The following MTMR3 variants were observed in gnomAD, a reference collection of about 807,000 sequenced individuals.
The protein encoded by MTMR3 is myotubularin related protein 3.
A neutral mutation model predicts 132.4 loss-of-function variants in MTMR3; 32 were observed. That is an observed-to-expected ratio of 0.24 (90% CI 0.18 to 0.32). MTMR3 has a LOEUF of 0.32. MTMR3 is among the 10% of genes least tolerant of loss of function. The pLI is 1.00. For missense variants in MTMR3, 1,216 were observed against 1,489.6 expected (o/e 0.82, Z 3.02); for synonymous variants, 556 against 550.3 (o/e 1.01, Z -0.14).
rs758384794 is a variant in MTMR3, at chr22:30,016,610, C to T, written c.1586C>T (p.Thr529Ile). ...GCCAAGGAGAGAGGGGAAAAGCATA[C>T]TCAGGAACGGACATGTTCCGTGTGG... is the stretch of plus-strand genomic sequence containing the variant. ...NNAKERGEKHTQERTCSVWSL... is the reference protein window; with the variant it reads ...NNAKERGEKHIQERTCSVWSL... The change falls in exon 15 of 20, where the codon ACT becomes ATT. Residue 529 changes from threonine to isoleucine, a missense_variant. Coordinates refer to ENST00000401950, the MANE Select transcript of MTMR3 (RefSeq NM_021090.4). The T allele has an allele frequency of 1.2e-6, 2 of 1,614,090 alleles. No individual in the cohort carries two copies. Among genetic ancestry groups the T allele is most frequent in the Non-Finnish European group, 8.5e-7 (1 of 1,180,034 alleles).
At chr22:29,943,523 A>C (rs2065897529) in intron 1 of MTMR3, among the ~76,000 whole-genome samples, 1 of 151,552 alleles carries the variant, frequency 6.6e-6, no homozygotes, top group African/African-American at 2.4e-5. Context: ...TACGTTTGCC[A>C]CTCTTTTAGT....
chr22:30,016,297 C>A, intron 14 of MTMR3: 1 of 470,092 alleles, frequency 2.1e-6, no homozygotes, highest in Non-Finnish European at 3.8e-6. Context: ...CTATTTATCA[C>A]GGAAGCTAAG....
chr22:29,982,349 A>G (rs2066766153), intron 5 of MTMR3: 2 of 152,214 alleles, frequency 1.3e-5, no homozygotes, highest in African/African-American at 2.4e-5. Context: ...TTAGGAAACA[A>G]GGATTCTTCC....
At position 29,946,520 on chromosome 22, in the gene MTMR3, C is replaced by G. The variant is rs550089656; in HGVS notation, c.-137-10516C>G. On this transcript the variant is annotated intron_variant, in intron 1 of 19. Transcript: ENST00000401950. ...AGGCCTGTTCATGAATGGTTTCAGA[C>G]TGTTAATGGATTAGAAAAATGTCTT... 2.6e-5 allele frequency among the ~76,000 whole-genome samples: 4 copies of G among 152,232 alleles called. No individual in the cohort carries two copies. In the East Asian group the frequency reaches 7.7e-4, roughly 29 times the overall value.
chr22:29,931,509 G>C (rs1432105410), intron 1 of MTMR3, among the ~76,000 whole-genome samples: 1 of 152,164 alleles, frequency 6.6e-6, no homozygotes, highest in South Asian at 2.1e-4. Flanking sequence ...CCGCCTCCTG[G>C]GTTCAAGCGA....
At position 29,888,466 on chromosome 22, in the gene MTMR3, C is replaced by T. The variant is rs1014953027; in HGVS notation, c.-138+5107C>T. ...ATAAAATAGTAAGGCATGAAACTAA[C>T]GAAAACAAAAAGAAAATTGTGAAGG... is the stretch of plus-strand genomic sequence containing the variant. On this transcript the variant is annotated intron_variant, in intron 1 of 19. Transcript: ENST00000401950. 3.3e-5 allele frequency among the ~76,000 whole-genome samples: 5 copies of T among 151,974 alleles called. No homozygotes were observed. The South Asian group carries it at 6.2e-4, about 19-fold the overall frequency.
chr22:30,016,699 G>A lies in MTMR3; in HGVS notation c.1674+1G>A, dbSNP rs773146277. ...ACTGTATTCCTCTCAGTCAGAAGCC[G>A]TATGTATCCTTCAGCCTTTCCACTG... On this transcript the variant is annotated splice_donor_variant, in intron 15 of 19. Coordinates refer to ENST00000401950, the MANE Select transcript of MTMR3 (RefSeq NM_021090.4). LOFTEE classifies it high-confidence loss of function. 59 of 1,610,448 alleles carry A rather than the reference G, an allele frequency of 3.7e-5. No individual in the cohort carries two copies. The highest frequency in any genetic ancestry group is 6.7e-5 in the Admixed American group (4 of 59,568).
chr22:29,997,879 T>C (rs1236416300), intron 7 of MTMR3: 1 of 152,340 alleles, frequency 6.6e-6, no homozygotes, highest in African/African-American at 2.4e-5. Context: ...GAAAGAAATA[T>C]TAATATTTGT....
At chr22:29,887,515 T>G (rs73161099) in intron 1 of MTMR3, among the ~76,000 whole-genome samples, 3 of 152,272 alleles carry the variant, frequency 2.0e-5, no homozygotes, top group South Asian at 4.1e-4. Context: ...ATCACTGATA[T>G]GGCAACAGAG....
chr22:29,913,821 G>A (rs1181789362), intron 1 of MTMR3, among the ~76,000 whole-genome samples: 1 of 151,800 alleles, frequency 6.6e-6, no homozygotes, highest in African/African-American at 2.4e-5. Context: ...GCGAGATCTC[G>A]GCTAACTGCA....
intron 16 of MTMR3, 67 bp downstream of exon 16, chr22:30,018,139 C>A: frequency 6.8e-7 from 1 of 1,462,202 alleles, no homozygotes; most frequent in Non-Finnish European, 9.1e-7. Context: ...GGGACGTGTG[C>A]AGGGATGGTC....
chr22:29,902,645 G>A (rs1602434109), intron 1 of MTMR3, among the ~76,000 whole-genome samples: 2 of 152,244 alleles, frequency 1.3e-5, no homozygotes, highest in South Asian at 4.1e-4. Context: ...GGGATTACAG[G>A]CGTGAGTCAC....
chr22:29,887,707 G>T (rs2064706472), intron 1 of MTMR3, among the ~76,000 whole-genome samples: 1 of 152,240 alleles, frequency 6.6e-6, no homozygotes, highest in Non-Finnish European at 1.5e-5. Flanking sequence ...TGTTGGAGCA[G>T]TGGTAGAAGG....
intron 2 of MTMR3, among the ~76,000 whole-genome samples, chr22:29,966,576 T>G (rs914236346): frequency 6.6e-6 from 1 of 152,202 alleles, no homozygotes; most frequent in South Asian, 2.1e-4. Flanking sequence ...TTAGGTAGAA[T>G]TCTTCCCTCA....
At chr22:29,980,610 G>A (rs925653224) in intron 5 of MTMR3, 1 of 152,106 alleles carries the variant, frequency 6.6e-6, no homozygotes, top group Non-Finnish European at 1.5e-5. Context: ...TTGAATTGCT[G>A]GAATTAAATT....
intron 1 of MTMR3, among the ~76,000 whole-genome samples, chr22:29,891,291 C>T (rs2064793114): frequency 1.3e-5 from 2 of 150,060 alleles, no homozygotes; most frequent in Admixed American, 6.6e-5. Flanking sequence ...TTGGTTACTC[C>T]TGGAGGTATG....
chr22:29,893,787 T>C (rs1238630214), intron 1 of MTMR3, among the ~76,000 whole-genome samples: 2 of 152,164 alleles, frequency 1.3e-5, no homozygotes, highest in Non-Finnish European at 2.9e-5. Context: ...TTTTAGAGTT[T>C]CCCATTTTTC....
intron 1 of MTMR3, among the ~76,000 whole-genome samples, chr22:29,926,409 GA>G (rs1377460781): frequency 6.6e-6 from 1 of 152,172 alleles, no homozygotes; most frequent in Non-Finnish European, 1.5e-5. Flanking sequence ...ACCTAGGAGT[GA>G]AATGGCTGAA....
chr22:29,923,329 C>A (rs2065456443), intron 1 of MTMR3, among the ~76,000 whole-genome samples: 1 of 151,664 alleles, frequency 6.6e-6, no homozygotes, highest in Admixed American at 6.6e-5. Context: ...TCCTCGGCCT[C>A]TCAAAGTGCT....
Sources: gnomAD v4.1 joint callset for allele counts (sites outside exome capture counted in the v4.1 genomes callset) on GRCh38, gnomAD v4.1.1 for gene constraint, MANE v1.5 for transcripts, NCBI Gene and HGNC (gene_info 2026-07-23, HGNC 2026-07-21) for gene names.